The following ERC1 variants were observed in gnomAD, a reference collection of about 807,000 sequenced individuals.
ERC1 encodes the protein ELKS/RAB6-interacting/CAST family member 1.
A neutral mutation model predicts 132.0 loss-of-function variants in ERC1; 56 were observed. The ratio of observed to expected loss-of-function variants is 0.42; its 90% CI spans 0.34 to 0.53. The LOEUF (loss-of-function observed/expected upper bound fraction) is 0.53. Ranked by LOEUF, ERC1 falls within the 20% of genes least tolerant of loss-of-function variation. The pLI, the probability that ERC1 is intolerant of heterozygous loss-of-function variation, is 0.03. For synonymous variants in ERC1, 478 were observed against 476.1 expected, an observed-to-expected ratio of 1.00 and a Z score of -0.05; for missense variants, 1,202 against 1,349.9, an observed-to-expected ratio of 0.89 and a Z score of 1.72.
intron 18 of ERC1, among the ~76,000 whole-genome samples, chr12:1,449,955 G>T (rs1228785301): frequency 6.6e-6 from 1 of 151,730 alleles, no homozygotes; most frequent in Non-Finnish European, 1.5e-5. Flanking sequence ...GGTTTACAGT[G>T]TACAGTTTTA....
chr12:1,490,548 G>A lies in ERC1; in HGVS notation c.*318G>A. Reference sequence around the variant, plus strand: ...TGGCTCTGCCCTGACAGAGAGCCATGGAGCAGAGGAGCCTCTCACCTCCTG... The same window carrying A: ...TGGCTCTGCCCTGACAGAGAGCCATAGAGCAGAGGAGCCTCTCACCTCCTG... On this transcript the variant is annotated 3_prime_UTR_variant, in exon 19 of 19. Coordinates refer to ENST00000360905, the MANE Select transcript of ERC1 (RefSeq NM_178040.4). The A allele has an allele frequency of 3.1e-6, 1 of 325,858 alleles. No individual in the cohort carries two copies. Among genetic ancestry groups the A allele is most frequent in the Admixed American group, 4.2e-5 (1 of 23,824 alleles). 20.2% of individuals were successfully genotyped at this position (325,858 alleles called of 1,614,324 possible). A position where few individuals can be genotyped will look rare whatever the true frequency, so the allele number is the denominator to read the frequency against.
At chr12:1,294,856 T>A (rs1375433390) in intron 15 of ERC1, among the ~76,000 whole-genome samples, 1 of 152,208 alleles carries the variant, frequency 6.6e-6, no homozygotes, top group East Asian at 1.9e-4. Flanking sequence ...TTCATTGTTC[T>A]CCAGAGTGTA....
chr12:1,228,075 G>A (rs775741555), intron 12 of ERC1, among the ~76,000 whole-genome samples: 4 of 152,178 alleles, frequency 2.6e-5, no homozygotes, highest in Admixed American at 2.6e-4. Flanking sequence ...ATCCGAAAGT[G>A]TGATGACTCC....
intron 1 of ERC1, among the ~76,000 whole-genome samples, chr12:1,004,806 CTGTGTGTGTGTGTGTGTGTG>C (rs60674277): frequency 4.3e-4 from 63 of 146,954 alleles, no homozygotes; most frequent in South Asian, 2.4e-3. Context: ...CTGCCTTTTT[CTGTGTGTGTGTGTGTGTGTG>C]TGTGTGTGTG....
intron 12 of ERC1, among the ~76,000 whole-genome samples, chr12:1,194,273 T>A (rs1956010088): frequency 6.6e-6 from 1 of 151,832 alleles, no homozygotes; most frequent in Non-Finnish European, 1.5e-5. Context: ...ACACAAAAAT[T>A]AGCCAGGCAT....
chr12:1,364,686 C>T (rs1449837334), intron 15 of ERC1, among the ~76,000 whole-genome samples: 2 of 152,218 alleles, frequency 1.3e-5, no homozygotes, highest in African/African-American at 4.8e-5. Flanking sequence ...TGATTTCTCT[C>T]TGCTGTACTA....
intron 8 of ERC1, among the ~76,000 whole-genome samples, chr12:1,145,091 A>C (rs935433128): frequency 1.3e-5 from 2 of 151,516 alleles, no homozygotes; most frequent in African/African-American, 4.9e-5. Flanking sequence ...ATCTCGGCTC[A>C]CTGCAACCTC....
In ERC1 at chr12:1,180,488, T is replaced by C. The variant is rs1261618874; in HGVS notation, c.1738-52T>C. 4 of 1,554,476 alleles carry C rather than the reference T, an allele frequency of 2.6e-6. No individual in the cohort carries two copies. In the African/African-American group the frequency reaches 5.5e-5, roughly 21 times the overall value. On this transcript the variant is annotated intron_variant, in intron 8 of 18. Coordinates refer to ENST00000360905, the MANE Select transcript of ERC1 (RefSeq NM_178040.4). Reference sequence around the variant, plus strand: ...ATTGAAATGATTTTGATTGTGCTATTGTTTTTTTATACATGTCCTCTCTTT... The same window carrying C: ...ATTGAAATGATTTTGATTGTGCTATCGTTTTTTTATACATGTCCTCTCTTT...
intron 16 of ERC1, among the ~76,000 whole-genome samples, chr12:1,378,134 C>T (rs904385527): frequency 6.6e-6 from 1 of 152,132 alleles, no homozygotes; most frequent in African/African-American, 2.4e-5. Flanking sequence ...GATTTGTTCT[C>T]ATTTACTAAA....
chr12:1,180,253 ATGTGTGTGTGTGTG>A (rs3216970), intron 8 of ERC1, among the ~76,000 whole-genome samples: 5 of 146,604 alleles, frequency 3.4e-5, no homozygotes, highest in Admixed American at 6.8e-5. Context: ...TTTGTTAGGG[ATGTGTGTGTGTGTG>A]TGTGTGTGTG....
At chr12:1,342,478 A>AAC (rs1555367686) in intron 15 of ERC1, among the ~76,000 whole-genome samples, 65 of 151,710 alleles carry the variant, frequency 4.3e-4, no homozygotes, top group Non-Finnish European at 7.8e-4. Context: ...CAAAAAAAAA[A>AAC]AAAACAAAAA....
chr12:1,132,162 GT>G (rs1948827572), intron 7 of ERC1, among the ~76,000 whole-genome samples: 1 of 152,120 alleles, frequency 6.6e-6, no homozygotes, highest in Non-Finnish European at 1.5e-5. Flanking sequence ...TAGCAAAGTG[GT>G]TTTTGTGGTG....
At chr12:1,297,681 T>C (rs1429715423) in intron 15 of ERC1, among the ~76,000 whole-genome samples, 1 of 135,360 alleles carries the variant, frequency 7.4e-6, no homozygotes, top group Non-Finnish European at 1.5e-5. Flanking sequence ...CACTCCAGCC[T>C]GGGTGATAGA....
chr12:1,125,131 A>C (rs1948011254), intron 7 of ERC1, among the ~76,000 whole-genome samples: 1 of 151,894 alleles, frequency 6.6e-6, no homozygotes, highest in Non-Finnish European at 1.5e-5. Flanking sequence ...ACTAGCTGGG[A>C]CTACAGGTGC....
chr12:1,001,806 G>C (rs1483266319), intron 1 of ERC1, among the ~76,000 whole-genome samples: 3 of 145,696 alleles, frequency 2.1e-5, no homozygotes, highest in Non-Finnish European at 4.5e-5. Flanking sequence ...GTTGTTTCTA[G>C]TTTTGGGCTA....
intron 1 of ERC1, among the ~76,000 whole-genome samples, chr12:997,689 A>G (rs1199367086): frequency 6.6e-6 from 1 of 152,238 alleles, no homozygotes; most frequent in Non-Finnish European, 1.5e-5. Flanking sequence ...GCTGAATAGC[A>G]TGAGAATTAG....
intron 13 of ERC1, among the ~76,000 whole-genome samples, chr12:1,251,088 C>T (rs946933319): frequency 6.6e-6 from 1 of 152,258 alleles, no homozygotes; most frequent in Non-Finnish European, 1.5e-5. Flanking sequence ...ACTCTGTCTA[C>T]AAAAACAGTT....
intron 16 of ERC1, among the ~76,000 whole-genome samples, chr12:1,375,734 T>C (rs2087813442): frequency 2.4e-5 from 1 of 41,708 alleles, no homozygotes; most frequent in Non-Finnish European, 4.2e-5. Flanking sequence ...CTCTTGTTCC[T>C]TTTTTTTTTT....
At chr12:1,279,980 C>T (rs1253897779) in intron 14 of ERC1, among the ~76,000 whole-genome samples, 1 of 152,190 alleles carries the variant, frequency 6.6e-6, no homozygotes, top group Non-Finnish European at 1.5e-5. Flanking sequence ...AGATGTGAGC[C>T]ACCGTGCCCG....
Sources: gnomAD v4.1 joint callset for allele counts (sites outside exome capture counted in the v4.1 genomes callset) on GRCh38, gnomAD v4.1.1 for gene constraint, MANE v1.5 for transcripts, NCBI Gene and HGNC (gene_info 2026-07-23, HGNC 2026-07-21) for gene names.